Variants in RP9 observed in about 807,000 individuals in gnomAD.
The protein encoded by RP9 is RP9 pre-mRNA splicing factor.
In RP9, 23 loss-of-function variants were observed where a neutral mutation model predicts 32.6. That is an observed-to-expected ratio of 0.71 (90% CI 0.51 to 1.00). The LOEUF (loss-of-function observed/expected upper bound fraction) is 1.00. Among genes scored for constraint, RP9 ranks in the 50% least tolerant of loss-of-function variants. The pLI, the probability that RP9 is intolerant of heterozygous loss-of-function variation, is 0.00. For missense variants in RP9, 245 were observed against 285.3 expected (o/e 0.86, Z 1.02); for synonymous variants, 94 against 103.6 (o/e 0.91, Z 0.56).
intron 3 of RP9, 140 bp downstream of exon 3, chr7:33,099,167 G>C: frequency 1.0e-6 from 1 of 958,432 alleles, no homozygotes; most frequent in South Asian, 1.3e-5. Context: ...TGGGGTGGAT[G>C]CTTCCTTATC....
At position 33,109,274 on chromosome 7, in the gene RP9, C is replaced by G. The variant is rs1360138251; in HGVS notation, c.99G>C (p.Lys33Asn). 3 of 1,491,242 alleles carry G rather than the reference C, an allele frequency of 2.0e-6. No homozygotes were observed. The Admixed American group carries it at 6.5e-5, about 33-fold the overall frequency. The allele number at this position is 1,491,242 out of a possible 1,614,324, so 92.4% of individuals were successfully genotyped here. Residue 33 changes from lysine to asparagine, a missense_variant, in exon 1 of 6, where the codon AAG (lysine) becomes AAC (asparagine). This residue lies in a region of RP9 where 182 missense variants were observed against 175.5 expected (regional missense o/e 1.04). Coordinates refer to ENST00000297157, the MANE Select transcript of RP9 (RefSeq NM_203288.2). The surrounding 1 kb of genome is among the most constrained non-coding windows in gnomAD (Gnocchi z 4.9). ...EQELQRRREQ[K>N]RRRHDAQQLQ... ...GCTGCTGCGCGTCGTGTCGCCGCCG[C>G]TTCTGCTCCCGACGTCGCTGCAGCT... is the stretch of plus-strand genomic sequence containing the variant.
chr7:33,101,831 A>G (rs1788430253), intron 1 of RP9, among the ~76,000 whole-genome samples: 2 of 152,228 alleles, frequency 1.3e-5, no homozygotes. Flanking sequence ...GGCCTAATGG[A>G]GCAAAAACAA....
intron 1 of RP9, among the ~76,000 whole-genome samples, chr7:33,104,840 C>G (rs1788475951): frequency 6.6e-6 from 1 of 152,110 alleles, no homozygotes; most frequent in Non-Finnish European, 1.5e-5. Flanking sequence ...CTTGGCCTCC[C>G]AAAGTGTTGG....
chr7:33,097,658 C>T (rs1014299430), intron 3 of RP9, among the ~76,000 whole-genome samples: 2 of 151,968 alleles, frequency 1.3e-5, no homozygotes, highest in African/African-American at 2.4e-5. Context: ...CCTGCTCTGT[C>T]GCTCAGGCTG....
chr7:33,095,130 T>C lies in RP9; in HGVS notation c.*104A>G, dbSNP rs990238668. 3.6e-6 allele frequency: 5 copies of C among 1,371,340 alleles called. No homozygotes were observed. The highest frequency in any genetic ancestry group is 4.6e-5 in the East Asian group (2 of 43,482). The allele number at this position is 1,371,340 out of a possible 1,614,324, so 84.9% of individuals were successfully genotyped here. A position where few individuals can be genotyped will look rare whatever the true frequency, so the allele number is the denominator to read the frequency against. On this transcript the variant is annotated 3_prime_UTR_variant, in exon 6 of 6. Transcript: ENST00000297157. ...GGAGCTCACTGCTGTGACCCACATATACTCCTCTCTCGGCGTCTCTATCCT... is the reference window on the plus strand; with the variant it reads ...GGAGCTCACTGCTGTGACCCACATACACTCCTCTCTCGGCGTCTCTATCCT...
chr7:33,109,090 T>C lies in RP9; in HGVS notation c.152+131A>G. On this transcript the variant is annotated intron_variant, in intron 1 of 5. Coordinates refer to ENST00000297157, the MANE Select transcript of RP9 (RefSeq NM_203288.2). The surrounding 1 kb of genome is among the most constrained non-coding windows in gnomAD (Gnocchi z 4.9). Reference sequence around the variant, plus strand: ...ACATCGGTCGCCCGCACCAGGCTCCTGCCGGGCCCAGCCCCCCTGCCTGCT... The same window carrying C: ...ACATCGGTCGCCCGCACCAGGCTCCCGCCGGGCCCAGCCCCCCTGCCTGCT... 2 of 1,307,370 alleles carry C rather than the reference T, an allele frequency of 1.5e-6. No homozygotes were observed. The highest frequency in any genetic ancestry group is 1.9e-6 in the Non-Finnish European group (2 of 1,025,824). The allele number at this position is 1,307,370 out of a possible 1,614,324, so 81.0% of individuals were successfully genotyped here.
chr7:33,109,103 C>A lies in RP9; in HGVS notation c.152+118G>T. On this transcript the variant is annotated intron_variant, in intron 1 of 5. Transcript: ENST00000297157. This position sits in a 1 kb window ranked among gnomAD's most constrained non-coding sequence, Gnocchi z 4.9. ...GCACCAGGCTCCTGCCGGGCCCAGC[C>A]CCCCTGCCTGCTCGCGGGGGCTCGG... The A allele has an allele frequency of 9.5e-6, 13 of 1,365,666 alleles. No homozygotes were observed. The highest frequency in any genetic ancestry group is 3.1e-5 in the South Asian group (2 of 63,534). The allele number at this position is 1,365,666 out of a possible 1,614,324, so 84.6% of individuals were successfully genotyped here.
chr7:33,100,768 C>T, intron 1 of RP9: 1 of 691,734 alleles, frequency 1.4e-6, no homozygotes, highest in Non-Finnish European at 2.7e-6. Context: ...TAAGACTGGC[C>T]AGGCCTTCCT....
At position 33,099,360 on chromosome 7, in the gene RP9, G is replaced by C; in HGVS notation, c.260C>G (p.Ala87Gly). Residue 87 changes from alanine (A) to glycine (G), a missense_variant, in exon 3 of 6, where the codon GCA becomes GGA. Transcript: ENST00000297157. ...NEHAREFLAH[A>G]PTKGLWMPLG... Reference sequence around the variant, plus strand: ...TGGCATCCAAAGTCCTTTAGTTGGTGCATGAGCCAGAAATTCCCTGGCGTG... The same window carrying C: ...TGGCATCCAAAGTCCTTTAGTTGGTCCATGAGCCAGAAATTCCCTGGCGTG... 6 of 1,613,652 alleles carry C rather than the reference G, an allele frequency of 3.7e-6. No individual in the cohort carries two copies. The highest frequency in any genetic ancestry group is 4.2e-6 in the Non-Finnish European group (5 of 1,179,956).
chr7:33,099,656 G>A (rs958292729), intron 2 of RP9, among the ~76,000 whole-genome samples: 1 of 152,020 alleles, frequency 6.6e-6, no homozygotes, highest in Non-Finnish European at 1.5e-5. Context: ...GCTGTTCTTA[G>A]AGAAAAGTTA....
At chr7:33,105,338 T>C (rs898105991) in intron 1 of RP9, among the ~76,000 whole-genome samples, 4 of 152,266 alleles carry the variant, frequency 2.6e-5, no homozygotes, top group African/African-American at 7.2e-5. Context: ...CTCTCTGACC[T>C]TCTCTTGCCC....
chr7:33,095,748 T>C (rs1170144559), intron 5 of RP9, among the ~76,000 whole-genome samples: 1 of 152,220 alleles, frequency 6.6e-6, no homozygotes, highest in Non-Finnish European at 1.5e-5. Flanking sequence ...AATTTCTTAA[T>C]CTACATCTTT....
intron 1 of RP9, among the ~76,000 whole-genome samples, chr7:33,106,768 G>A (rs1349356946): frequency 2.0e-5 from 3 of 151,904 alleles, no homozygotes; most frequent in Non-Finnish European, 4.4e-5. Context: ...ACATGGTGAA[G>A]CCCCATCTCT....
intron 1 of RP9, among the ~76,000 whole-genome samples, chr7:33,108,854 A>G (rs1407861568): frequency 6.6e-6 from 1 of 152,242 alleles, no homozygotes; most frequent in Admixed American, 6.5e-5. Context: ...TTAAGAACTT[A>G]GAAGGGTAGA....
At chr7:33,101,988 C>T (rs1355699463) in intron 1 of RP9, among the ~76,000 whole-genome samples, 1 of 152,066 alleles carries the variant, frequency 6.6e-6, no homozygotes, top group African/African-American at 2.4e-5. Context: ...TCCTTTTGAG[C>T]CACAAGCATT....
At chr7:33,105,325 T>C (rs1241712680) in intron 1 of RP9, among the ~76,000 whole-genome samples, 2 of 152,156 alleles carry the variant, frequency 1.3e-5, no homozygotes, top group African/African-American at 2.4e-5. Flanking sequence ...CAGAAGACAG[T>C]TGCTCTCTGA....
chr7:33,099,144 C>T, intron 3 of RP9, 163 bp downstream of exon 3: 13 of 726,526 alleles, frequency 1.8e-5, no homozygotes, highest in South Asian at 6.3e-5. Flanking sequence ...TCACATGGCA[C>T]GGTGGTGGGG....
intron 1 of RP9, among the ~76,000 whole-genome samples, chr7:33,107,037 A>G (rs978741240): frequency 2.6e-5 from 4 of 152,160 alleles, no homozygotes; most frequent in African/African-American, 4.8e-5. Context: ...GAAGAGGGAC[A>G]CAGGGAATAT....
In RP9 at chr7:33,099,302, C is replaced by T. The variant is rs765877467; in HGVS notation, c.313+5G>A. On this transcript the variant is annotated splice_donor_5th_base_variant and intron_variant, in intron 3 of 5. Coordinates refer to ENST00000297157, the MANE Select transcript of RP9 (RefSeq NM_203288.2). ...CATGGATTAGGGAAACTCTCCCACA[C>T]TCACACTGCATAACTTTGACTTCTT... 9.9e-6 allele frequency: 16 copies of T among 1,612,712 alleles called. No homozygotes were observed. The highest frequency in any genetic ancestry group is 1.4e-5 in the Non-Finnish European group (16 of 1,179,984).
Sources: gnomAD v4.1 joint callset for allele counts (sites outside exome capture counted in the v4.1 genomes callset) on GRCh38, gnomAD v4.1.1 for gene constraint, gnomAD v4.1.1 regional missense constraint, Gnocchi (gnomAD v3.1) non-coding constraint, MANE v1.5 for transcripts, NCBI Gene and HGNC (gene_info 2026-07-23, HGNC 2026-07-21) for gene names.